AP3D1: variants seen among roughly 807,000 people sequenced by gnomAD.
AP3D1 encodes the protein adaptor related protein complex 3 subunit delta 1.
Under a neutral mutation model 147.6 loss-of-function variants are expected in AP3D1, and 51 were observed. The observed-to-expected ratio is 0.35, with a 90% CI of 0.28 to 0.44. AP3D1 has a LOEUF of 0.44. Ranked by LOEUF, AP3D1 falls within the 20% of genes least tolerant of loss-of-function variation. AP3D1 has a pLI of 1.00. For missense variants in AP3D1, 1,421 were observed against 1,624.2 expected (o/e 0.87, Z 2.15); for synonymous variants, 760 against 663.0 (o/e 1.15, Z -2.25).
intron 4 of AP3D1, among the ~76,000 whole-genome samples, chr19:2,132,921 A>G (rs2145122744): frequency 6.6e-6 from 1 of 152,308 alleles, no homozygotes. Context: ...GGCTGGGGAC[A>G]GAGAGGTCTG....
At chr19:2,137,552 G>A (rs1568302327) in intron 3 of AP3D1, among the ~76,000 whole-genome samples, 175 bp downstream of exon 3, 1 of 152,084 alleles carries the variant, frequency 6.6e-6, no homozygotes. Flanking sequence ...CCAACCTCAG[G>A]TGATCCGCCT....
At chr19:2,133,535 C>T (rs2019003023) in intron 4 of AP3D1, 1 of 151,518 alleles carries the variant, frequency 6.6e-6, no homozygotes, top group South Asian at 2.1e-4. Context: ...AGACGAGTCT[C>T]ACTCTGTCCC....
Position 2,140,945 on chromosome 19 carries a change from G to C in AP3D1, c.97-2231C>G, listed in dbSNP as rs140013084. Among the ~76,000 whole-genome samples the C allele has an allele frequency of 3.6e-3, 552 of 152,022 alleles. 3 individuals carry two copies. The highest frequency in any genetic ancestry group is 0.013 in the African/African-American group (526 of 41,466). ...AGCTAATTCTTGTATTTTTGGTAGA[G>C]ACGGGGTTTCGCCACGTTGGCCAGG... is the stretch of plus-strand genomic sequence containing the variant. On this transcript the variant is annotated intron_variant, in intron 1 of 31. Coordinates refer to ENST00000643116, the MANE Select transcript of AP3D1 (RefSeq NM_001261826.3).
chr19:2,142,786 G>A (rs1304066957), intron 1 of AP3D1, among the ~76,000 whole-genome samples: 1 of 151,280 alleles, frequency 6.6e-6, no homozygotes, highest in Non-Finnish European at 1.5e-5. Context: ...ATTTGAGACA[G>A]AGTTTCACTC....
intron 1 of AP3D1, among the ~76,000 whole-genome samples, chr19:2,143,393 A>C (rs2144542362): frequency 6.6e-6 from 1 of 151,824 alleles, no homozygotes; most frequent in East Asian, 1.9e-4. Flanking sequence ...GGCGCCCGCG[A>C]CCATGCCTGG....
intron 23 of AP3D1, 45 bp from the exon 24 acceptor site, chr19:2,113,012 C>T: frequency 6.8e-7 from 1 of 1,461,534 alleles, no homozygotes; most frequent in Non-Finnish European, 9.4e-7. Flanking sequence ...CAATGAGGGG[C>T]CCCACTCCAC....
intron 1 of AP3D1, among the ~76,000 whole-genome samples, chr19:2,148,328 G>A (rs982500822): frequency 1.3e-5 from 2 of 152,086 alleles, no homozygotes; most frequent in East Asian, 1.9e-4. Context: ...TACTTCTCAC[G>A]CTTTTTGGAC....
At chr19:2,135,413 G>A (rs185208978) in intron 4 of AP3D1, among the ~76,000 whole-genome samples, 2 of 152,024 alleles carry the variant, frequency 1.3e-5, no homozygotes, top group African/African-American at 4.8e-5. Flanking sequence ...GCGGGCACCT[G>A]TAATTCCAGC....
Position 2,110,123 on chromosome 19 carries a change from G to A in AP3D1, c.3264+13C>T. 1.9e-6 allele frequency: 3 copies of A among 1,611,256 alleles called. No individual in the cohort carries two copies. The highest frequency in any genetic ancestry group is 2.5e-6 in the Non-Finnish European group (3 of 1,178,414). On this transcript the variant is annotated intron_variant, in intron 28 of 31. Transcript: ENST00000643116. ...AGAGTCGGCTCTTCAACGCCAAGTG[G>A]AGCCCTGCATACCTTGGCAATGAAG... is the stretch of plus-strand genomic sequence containing the variant.
intron 9 of AP3D1, among the ~76,000 whole-genome samples, chr19:2,126,052 G>A (rs1292364612): frequency 2.0e-5 from 3 of 152,152 alleles, no homozygotes; most frequent in African/African-American, 2.4e-5. Context: ...GCTTAAGCCC[G>A]GGAGGTCAAG....
At chr19:2,135,017 G>A (rs1036117162) in intron 4 of AP3D1, among the ~76,000 whole-genome samples, 4 of 152,046 alleles carry the variant, frequency 2.6e-5, no homozygotes, top group Non-Finnish European at 4.4e-5. Flanking sequence ...TGGCCAACAT[G>A]GTGAAACCCT....
chr19:2,104,054 G>A (rs1434081362), intron 31 of AP3D1, among the ~76,000 whole-genome samples: 3 of 149,014 alleles, frequency 2.0e-5, no homozygotes, highest in African/African-American at 5.0e-5. Context: ...CACCAAGGCC[G>A]TGAGCAGACA....
In AP3D1 at chr19:2,116,631, C is replaced by G. The variant is rs747925881; in HGVS notation, c.1975G>C (p.Glu659Gln). Residue 659 changes from glutamate (E) to glutamine (Q), a missense_variant, in exon 17 of 32, where the codon GAG becomes CAG. This residue lies in a region of AP3D1 where 791 missense variants were observed against 761.4 expected (regional missense o/e 1.04). Coordinates refer to ENST00000643116, the MANE Select transcript of AP3D1 (RefSeq NM_001261826.3). ...EQRRPKHRPS[E>Q]ADEEELARRR... is the part of the protein sequence containing the mutation. ...CGAGCCAGCTCTTCCTCGTCCGCCT[C>G]CGACGGCCGGTGCTTGGGACGCCGC... is the stretch of plus-strand genomic sequence containing the variant. 6.2e-7 allele frequency: 1 copy of G among 1,600,960 alleles called. No homozygotes were observed.
intron 9 of AP3D1, among the ~76,000 whole-genome samples, chr19:2,126,666 A>AAG (rs1256938460): frequency 7.2e-5 from 11 of 151,812 alleles, no homozygotes; most frequent in African/African-American, 2.4e-4. Context: ...AAAAAAAAAA[A>AAG]AAAAAGAAAG....
intron 1 of AP3D1, among the ~76,000 whole-genome samples, chr19:2,157,350 GAGA>G (rs1167766904): frequency 1.4e-5 from 2 of 148,144 alleles, no homozygotes; most frequent in East Asian, 4.0e-4. Flanking sequence ...GCTGAGGCAG[GAGA>G]ATGGCGTGAA....
intron 1 of AP3D1, among the ~76,000 whole-genome samples, chr19:2,160,421 C>T (rs915213726): frequency 4.6e-5 from 7 of 152,092 alleles, no homozygotes; most frequent in Non-Finnish European, 8.8e-5. Flanking sequence ...CCCCGCTACT[C>T]GGGAGGCTGA....
chr19:2,164,030 CGCGGCG>C (rs576715318), intron 1 of AP3D1: 1 of 301,100 alleles, frequency 3.3e-6, no homozygotes, highest in Non-Finnish European at 5.2e-6. Flanking sequence ...CGGACCGGAG[CGCGGCG>C]GCGGCGGCGG....
At chr19:2,131,520 C>T (rs1351769048) in intron 5 of AP3D1, among the ~76,000 whole-genome samples, 1 of 127,590 alleles carries the variant, frequency 7.8e-6, no homozygotes, top group African/African-American at 2.9e-5. Context: ...CAGGGCCCAT[C>T]GGCCACGATC....
chr19:2,151,097 G>A, intron 1 of AP3D1, 142 bp downstream of exon 1: 3 of 738,298 alleles, frequency 4.1e-6, no homozygotes, highest in East Asian at 6.5e-5. Context: ...GCCCAGGCCA[G>A]GCAGGGCCGG....
Sources: gnomAD v4.1 joint callset for allele counts (sites outside exome capture counted in the v4.1 genomes callset) on GRCh38, gnomAD v4.1.1 for gene constraint, gnomAD v4.1.1 regional missense constraint, MANE v1.5 for transcripts, NCBI Gene and HGNC (gene_info 2026-07-23, HGNC 2026-07-21) for gene names.